The following DEPTOR variants were observed in gnomAD, a reference collection of about 807,000 sequenced individuals.
DEPTOR encodes the protein DEP domain-containing mTOR-interacting protein.
DEPTOR carries 41 observed loss-of-function variants against 41.6 expected under a neutral mutation model. The ratio of observed to expected loss-of-function variants is 0.98; its 90% CI spans 0.77 to 1.28. The LOEUF (loss-of-function observed/expected upper bound fraction) is 1.28. Among genes scored for constraint, DEPTOR ranks in the 50% most tolerant of loss-of-function variants. The probability of loss-of-function intolerance (pLI) is 0.00; values close to 1 mark genes in which losing one functional copy is unlikely to be tolerated. For missense variants in DEPTOR, 514 were observed against 527.9 expected (o/e 0.97, Z 0.26); for synonymous variants, 195 against 192.3 (o/e 1.01, Z -0.12).
intron 1 of DEPTOR, among the ~76,000 whole-genome samples, chr8:119,912,296 T>C (rs1456202078): frequency 2.0e-5 from 3 of 152,186 alleles, no homozygotes; most frequent in African/African-American, 4.8e-5. Flanking sequence ...TTGACTGGCA[T>C]ACACACACAC....
At chr8:119,887,783 G>A (rs1434041758) in intron 1 of DEPTOR, among the ~76,000 whole-genome samples, 2 of 151,432 alleles carry the variant, frequency 1.3e-5, no homozygotes, top group Non-Finnish European at 2.9e-5. Flanking sequence ...AGGATTACAG[G>A]TGTGAGCCAC....
At chr8:119,881,417 T>C (rs1041922698) in intron 1 of DEPTOR, among the ~76,000 whole-genome samples, 1 of 151,632 alleles carries the variant, frequency 6.6e-6, no homozygotes, top group East Asian at 1.9e-4. Context: ...CCAGCTACTC[T>C]GGAGGCTGAG....
At position 119,881,625 on chromosome 8, in the gene DEPTOR, A is replaced by C. The variant is rs1262416868; in HGVS notation, c.122+7657A>C. On this transcript the variant is annotated intron_variant, in intron 1 of 8. Transcript: ENST00000286234. ...ATAAGGAATTTAGAGCATACACAAC[A>C]GGACAAGGAGAAATAATTCATTTTA... Among the ~76,000 whole-genome samples the C allele has an allele frequency of 2.9e-4, 44 of 152,154 alleles. 1 individual carries two copies. The highest frequency in any genetic ancestry group is 1.5e-5 in the Non-Finnish European group (1 of 68,044).
intron 3 of DEPTOR, among the ~76,000 whole-genome samples, chr8:119,947,235 G>C (rs1232740716): frequency 6.6e-6 from 1 of 152,164 alleles, no homozygotes; most frequent in African/African-American, 2.4e-5. Flanking sequence ...GCAAGAAAGG[G>C]GGACAAGGTA....
chr8:119,965,125 G>A (rs1160502665), intron 3 of DEPTOR, 107 bp from the exon 4 acceptor site: 13 of 1,233,562 alleles, frequency 1.1e-5, no homozygotes, highest in Non-Finnish European at 1.4e-5. Flanking sequence ...AGCTGCATCT[G>A]TCTGTCTGAC....
chr8:120,027,311 A>G (rs1232179979), intron 8 of DEPTOR, among the ~76,000 whole-genome samples: 1 of 151,874 alleles, frequency 6.6e-6, no homozygotes, highest in Non-Finnish European at 1.5e-5. Flanking sequence ...TTCTCATTGT[A>G]TTTTCCCAAC....
chr8:119,923,006 G>GGGCT (rs557790688), intron 1 of DEPTOR, among the ~76,000 whole-genome samples: 38 of 142,554 alleles, frequency 2.7e-4, no homozygotes, highest in Non-Finnish European at 5.2e-4. Context: ...CCCCGAACAT[G>GGGCT]GGCTGGTTGT....
At chr8:119,884,898 C>T (rs1827344648) in intron 1 of DEPTOR, among the ~76,000 whole-genome samples, 1 of 151,978 alleles carries the variant, frequency 6.6e-6, no homozygotes, top group African/African-American at 2.4e-5. Flanking sequence ...GCCTCAGCTT[C>T]CTGAGTAGCT....
chr8:120,007,345 A>G (rs1011090751), intron 7 of DEPTOR, among the ~76,000 whole-genome samples: 2 of 152,160 alleles, frequency 1.3e-5, no homozygotes, highest in African/African-American at 2.4e-5. Flanking sequence ...GTGTTAAGCT[A>G]GAGAAAGGAA....
intron 4 of DEPTOR, among the ~76,000 whole-genome samples, chr8:119,970,985 T>G (rs986714452): frequency 6.6e-6 from 1 of 152,034 alleles, no homozygotes; most frequent in Non-Finnish European, 1.5e-5. Flanking sequence ...AATCCCAGCA[T>G]TCTGGGAGGC....
chr8:119,886,319 G>A (rs1453666060), intron 1 of DEPTOR, among the ~76,000 whole-genome samples: 2 of 152,038 alleles, frequency 1.3e-5, no homozygotes, highest in African/African-American at 2.4e-5. Context: ...TTCCATTCAG[G>A]ACTCCAATCA....
intron 1 of DEPTOR, among the ~76,000 whole-genome samples, chr8:119,925,806 G>A (rs1286124044): frequency 2.6e-5 from 4 of 152,120 alleles, no homozygotes; most frequent in Non-Finnish European, 5.9e-5. Flanking sequence ...TGTATTTGCA[G>A]TAGAGACGGG....
At position 120,009,118 on chromosome 8, in the gene DEPTOR, C is replaced by A. The variant is rs370014084; in HGVS notation, c.1086C>A (p.Ala362=). ...CTGTAGACCCCAGTGGCCCTGCAGC[C>A]GCAGCAGGAATGAAGGTACTAACGG... The part of the protein sequence containing the change: ...IQAVDPSGPA[A]AAGMKVCQFV... The change falls in exon 8 of 9, where the codon GCC becomes GCA. Residue 362 remains alanine (A), a synonymous_variant. Transcript: ENST00000286234. 1 of 1,613,922 alleles carries A rather than the reference C, an allele frequency of 6.2e-7. No homozygotes were observed. The highest frequency in any genetic ancestry group is 1.3e-5 in the African/African-American group (1 of 75,036).
At chr8:119,938,943 T>TTCTC (rs1828164436) in intron 3 of DEPTOR, among the ~76,000 whole-genome samples, 4 of 90,028 alleles carry the variant, frequency 4.4e-5, no homozygotes, top group South Asian at 9.2e-4. Flanking sequence ...TGTTCCTTCT[T>TTCTC]GCTCTCTCTC....
At chr8:120,001,277 A>G (rs890906373) in intron 4 of DEPTOR, among the ~76,000 whole-genome samples, 8 of 152,138 alleles carry the variant, frequency 5.3e-5, no homozygotes, top group Admixed American at 3.9e-4. Flanking sequence ...ACTAGGAAGA[A>G]TAGAACTCAG....
intron 1 of DEPTOR, among the ~76,000 whole-genome samples, chr8:119,905,012 T>A (rs1827644563): frequency 6.8e-6 from 1 of 146,664 alleles, no homozygotes; most frequent in Non-Finnish European, 1.5e-5. Flanking sequence ...CTCACTATGT[T>A]GCCTAGGCTG....
At chr8:119,889,814 T>C (rs1242028202) in intron 1 of DEPTOR, among the ~76,000 whole-genome samples, 1 of 152,118 alleles carries the variant, frequency 6.6e-6, no homozygotes, top group Admixed American at 6.5e-5. Flanking sequence ...GCTTCTGGGT[T>C]GCCCTTCTGA....
At chr8:119,932,094 G>C (rs995406076) in intron 3 of DEPTOR, among the ~76,000 whole-genome samples, 18 of 151,646 alleles carry the variant, frequency 1.2e-4, no homozygotes, top group Non-Finnish European at 1.5e-5. Flanking sequence ...TGATCCTCCT[G>C]CCTCAGCCTC....
intron 1 of DEPTOR, among the ~76,000 whole-genome samples, chr8:119,888,858 C>CAAAAAAAAAAAAAAA (rs34471575): frequency 1.6e-5 from 1 of 63,864 alleles, no homozygotes; most frequent in African/African-American, 6.6e-5. Flanking sequence ...TCTGTCTCAG[C>CAAAAAAAAAAAAAAA]AAAAAAAAAA....
Sources: gnomAD v4.1 joint callset for allele counts (sites outside exome capture counted in the v4.1 genomes callset) on GRCh38, gnomAD v4.1.1 for gene constraint, MANE v1.5 for transcripts, NCBI Gene and HGNC (gene_info 2026-07-23, HGNC 2026-07-21) for gene names.